The following LRP1B variants were observed in gnomAD, a reference collection of about 807,000 sequenced individuals.
LRP1B encodes low-density lipoprotein receptor-related protein 1B.
Under a neutral mutation model 556.6 loss-of-function variants are expected in LRP1B, and 217 were observed. That is an observed-to-expected ratio of 0.39 (90% CI 0.35 to 0.44). The LOEUF is 0.44. Among genes scored for constraint, LRP1B ranks in the 20% least tolerant of loss-of-function variants. LRP1B has a pLI of 1.00. For missense variants in LRP1B, 5,053 were observed against 5,620.8 expected, an observed-to-expected ratio of 0.90 and a Z score of 3.23; for synonymous variants, 2,047 against 1,865.8, an observed-to-expected ratio of 1.10 and a Z score of -2.50.
rs529609675 is a variant in LRP1B at position 141,326,342 on chromosome 2, A to G, written c.344-71701T>C. Among the ~76,000 whole-genome samples, 4 of 152,298 alleles carry G rather than the reference A, an allele frequency of 2.6e-5. No individual in the cohort carries two copies. In the South Asian group the frequency reaches 8.3e-4, roughly 32 times the overall value. On this transcript the variant is annotated intron_variant, in intron 3 of 90. Transcript: ENST00000389484. ...AAAACATTGCCTGAGGTGAGATTTT[A>G]AGTTAATAAGTATAAGTTAACTCGA...
At chr2:141,986,870 A>C (rs1208105364) in intron 1 of LRP1B, among the ~76,000 whole-genome samples, 1 of 151,962 alleles carries the variant, frequency 6.6e-6, no homozygotes, top group Non-Finnish European at 1.5e-5. Flanking sequence ...ATCTCTTCCA[A>C]TATCTATTTA....
At chr2:141,086,405 CTCTT>C (rs1182008905) in intron 7 of LRP1B, among the ~76,000 whole-genome samples, 3 of 152,132 alleles carry the variant, frequency 2.0e-5, no homozygotes, top group African/African-American at 2.4e-5. Flanking sequence ...CTCAATGAGT[CTCTT>C]TCTATTAATG....
intron 41 of LRP1B, among the ~76,000 whole-genome samples, chr2:140,662,617 C>T (rs1029847740): frequency 1.3e-5 from 2 of 151,996 alleles, no homozygotes; most frequent in African/African-American, 4.8e-5. Flanking sequence ...TAAAAGAAGG[C>T]CATTTTCATT....
intron 1 of LRP1B, among the ~76,000 whole-genome samples, chr2:141,975,310 G>A (rs765274894): frequency 1.3e-4 from 20 of 152,042 alleles, no homozygotes; most frequent in South Asian, 4.1e-4. Flanking sequence ...TTGAGTGTAT[G>A]TGCTTTCATG....
intron 7 of LRP1B, among the ~76,000 whole-genome samples, chr2:141,141,137 G>C (rs1451118845): frequency 6.6e-6 from 1 of 152,014 alleles, no homozygotes; most frequent in Non-Finnish European, 1.5e-5. Context: ...GAAACATTTT[G>C]TTATTTGGTT....
chr2:141,049,244 C>T, intron 10 of LRP1B, 22 bp from the exon 11 acceptor site: 4 of 1,439,610 alleles, frequency 2.8e-6, no homozygotes, highest in Non-Finnish European at 3.9e-6. Flanking sequence ...AGATTACAAA[C>T]ACAAACAACT....
intron 18 of LRP1B, among the ~76,000 whole-genome samples, chr2:140,981,811 C>T (rs1001716447): frequency 6.6e-6 from 1 of 152,116 alleles, no homozygotes; most frequent in Non-Finnish European, 1.5e-5. Flanking sequence ...AAATGTTACT[C>T]CATGAACTAT....
intron 2 of LRP1B, among the ~76,000 whole-genome samples, chr2:141,508,821 C>T (rs77043095): frequency 4.1e-4 from 63 of 152,182 alleles, no homozygotes; most frequent in African/African-American, 1.5e-3. Context: ...CTAACCATTA[C>T]GATTGGTCAC....
intron 2 of LRP1B, among the ~76,000 whole-genome samples, chr2:141,547,454 C>T (rs2105223818): frequency 6.6e-6 from 1 of 152,070 alleles, no homozygotes; most frequent in East Asian, 1.9e-4. Flanking sequence ...CCAGTAAAAA[C>T]TCTTTGACAG....
At chr2:141,711,938 T>A (rs536173772) in intron 2 of LRP1B, among the ~76,000 whole-genome samples, 1 of 142,446 alleles carries the variant, frequency 7.0e-6, no homozygotes, top group African/African-American at 2.7e-5. Context: ...CTGTCATAAA[T>A]ATGAACACAC....
At chr2:140,565,500 T>A (rs1483885573) in intron 43 of LRP1B, among the ~76,000 whole-genome samples, 1 of 152,110 alleles carries the variant, frequency 6.6e-6, no homozygotes, top group African/African-American at 2.4e-5. Flanking sequence ...CTTATTTACA[T>A]TTTTTGTTTT....
At chr2:140,738,737 T>C (rs1280790218) in intron 35 of LRP1B, among the ~76,000 whole-genome samples, 1 of 152,162 alleles carries the variant, frequency 6.6e-6, no homozygotes, top group Non-Finnish European at 1.5e-5. Context: ...CATGTCTCTA[T>C]CGCCATCTTT....
intron 6 of LRP1B, among the ~76,000 whole-genome samples, chr2:141,220,115 C>T (rs13395175): frequency 0.29 from 43,388 of 151,990 alleles, 6,964 homozygotes; most frequent in East Asian, 0.66. Context: ...TCAGAAGGTG[C>T]GTAATAATGA....
intron 1 of LRP1B, among the ~76,000 whole-genome samples, chr2:142,059,107 CAGGGACATA>C (rs1704795734): frequency 6.6e-6 from 1 of 152,020 alleles, no homozygotes. Context: ...CTAGGATTCA[CAGGGACATA>C]AAGTAGATTC....
chr2:140,588,901 A>G (rs1298950295), intron 43 of LRP1B, among the ~76,000 whole-genome samples: 1 of 150,192 alleles, frequency 6.7e-6, no homozygotes, highest in Admixed American at 6.7e-5. Flanking sequence ...CAGAGGTTGC[A>G]GTGAGCCGAG....
intron 47 of LRP1B, among the ~76,000 whole-genome samples, chr2:140,529,149 A>G (rs1248545018): frequency 6.6e-6 from 1 of 152,066 alleles, no homozygotes; most frequent in Non-Finnish European, 1.5e-5. Context: ...CTACAGCCAC[A>G]GCAGGAATAG....
intron 2 of LRP1B, among the ~76,000 whole-genome samples, chr2:141,571,326 CCTAA>C (rs1372415790): frequency 1.3e-5 from 2 of 150,410 alleles, no homozygotes; most frequent in Non-Finnish European, 3.0e-5. Context: ...GAAGAGGAGG[CCTAA>C]CTATTGAAAG....
intron 84 of LRP1B, among the ~76,000 whole-genome samples, chr2:140,286,949 G>A (rs1283636814): frequency 6.6e-6 from 1 of 151,606 alleles, no homozygotes; most frequent in South Asian, 2.1e-4. Context: ...TTTACAGATA[G>A]TGTAACTGTC....
intron 1 of LRP1B, among the ~76,000 whole-genome samples, chr2:141,920,270 CT>C (rs57106513): frequency 0.28 from 24,178 of 85,732 alleles, 2,546 homozygotes; most frequent in East Asian, 0.36. Context: ...TTTTTTTCTT[CT>C]TTTTTTTTGG....
Sources: gnomAD v4.1 joint callset for allele counts (sites outside exome capture counted in the v4.1 genomes callset) on GRCh38, gnomAD v4.1.1 for gene constraint, MANE v1.5 for transcripts, NCBI Gene and HGNC (gene_info 2026-07-23, HGNC 2026-07-21) for gene names.